Variants in ERC1 observed in about 807,000 individuals in gnomAD.
ERC1 encodes ELKS/RAB6-interacting/CAST family member 1.
Under a neutral mutation model 132.0 loss-of-function variants are expected in ERC1, and 56 were observed. The ratio of observed to expected loss-of-function variants is 0.42; its 90% CI spans 0.34 to 0.53. The LOEUF (loss-of-function observed/expected upper bound fraction) is 0.53, where lower values mean the gene tolerates loss of function less well. Among genes scored for constraint, ERC1 ranks in the 20% least tolerant of loss-of-function variants. The probability of loss-of-function intolerance (pLI) is 0.03; values close to 1 mark genes in which losing one functional copy is unlikely to be tolerated. For missense variants in ERC1, 1,202 were observed against 1,349.9 expected, an observed-to-expected ratio of 0.89 and a Z score of 1.72; for synonymous variants, 478 against 476.1, an observed-to-expected ratio of 1.00 and a Z score of -0.05.
At position 1,293,453 on chromosome 12, in the gene ERC1, AAACAACAAC is replaced by A. The variant is rs201350540; in HGVS notation, c.2780+3459_2780+3467del. 1.6e-4 allele frequency among the ~76,000 whole-genome samples: 16 copies of A among 101,448 alleles called. 2 individuals are homozygous for A. The highest frequency in any genetic ancestry group is 1.4e-3 in the South Asian group (4 of 2,932). 66.6% of individuals were successfully genotyped at this position (101,448 alleles called of 152,430 possible). A position where few individuals can be genotyped will look rare whatever the true frequency, so the allele number is the denominator to read the frequency against. On this transcript the variant is annotated intron_variant, in intron 15 of 18. Transcript: ENST00000360905. The stretch of plus-strand genomic sequence containing the variant: ...GGGCGACAGAGCAAAACTCCATCTC[AAACAACAAC>A]AACAACAACAACAACAATTAGCCAG...
At chr12:1,324,182 G>A (rs75966437) in intron 15 of ERC1, among the ~76,000 whole-genome samples, 3,777 of 152,210 alleles carry the variant, frequency 0.025, 53 homozygotes, top group Middle Eastern at 0.071. Context: ...AAACGTATCC[G>A]TCTATTCTGG....
At chr12:1,311,418 T>C (rs1051215815) in intron 15 of ERC1, among the ~76,000 whole-genome samples, 5 of 152,234 alleles carry the variant, frequency 3.3e-5, no homozygotes, top group African/African-American at 1.2e-4. Flanking sequence ...TCAGCCTTAG[T>C]TGATTAGTAA....
chr12:1,315,383 CT>C (rs1168539171), intron 15 of ERC1, among the ~76,000 whole-genome samples: 2 of 151,956 alleles, frequency 1.3e-5, no homozygotes, highest in Non-Finnish European at 2.9e-5. Flanking sequence ...TGAAGCCTTG[CT>C]CTGTCACCCA....
rs1299132715 is a variant in ERC1, at chr12:1,493,922, A to C, written c.*3692A>C. On this transcript the variant is annotated 3_prime_UTR_variant, in exon 19 of 19. Coordinates refer to ENST00000360905, the MANE Select transcript of ERC1 (RefSeq NM_178040.4). The stretch of plus-strand genomic sequence containing the variant: ...GGGTCAGGGTTGTGAGGCAACCATC[A>C]TGTGTCACCCCAAAATATAAATGTT... 4.3e-6 allele frequency: 1 copy of C among 231,330 alleles called. No homozygotes were observed. Among genetic ancestry groups the C allele is most frequent in the Non-Finnish European group, 8.5e-6 (1 of 117,002 alleles). The allele number at this position is 231,330 out of a possible 1,614,324, so 14.3% of individuals were successfully genotyped here.
intron 2 of ERC1, among the ~76,000 whole-genome samples, chr12:1,065,631 TTGAG>T (rs1344914610): frequency 6.6e-6 from 1 of 151,954 alleles, no homozygotes; most frequent in Non-Finnish European, 1.5e-5. Flanking sequence ...AGAGAATTAA[TTGAG>T]TTTCTTTTGA....
intron 16 of ERC1, among the ~76,000 whole-genome samples, chr12:1,389,776 C>G (rs2089782105): frequency 6.6e-6 from 1 of 152,176 alleles, no homozygotes; most frequent in African/African-American, 2.4e-5. Flanking sequence ...TTGAAAAGCA[C>G]TCCCTCAAGA....
chr12:1,436,516 G>C (rs971102132), intron 17 of ERC1, among the ~76,000 whole-genome samples: 10 of 152,186 alleles, frequency 6.6e-5, no homozygotes, highest in Admixed American at 4.6e-4. Context: ...TGCCATAGGT[G>C]AGAAAGGAGA....
chr12:1,192,447 A>G (rs1226000019), intron 12 of ERC1, among the ~76,000 whole-genome samples: 1 of 152,192 alleles, frequency 6.6e-6, no homozygotes, highest in Non-Finnish European at 1.5e-5. Flanking sequence ...CTATGTTGCC[A>G]TTCCACTATT....
intron 12 of ERC1, among the ~76,000 whole-genome samples, chr12:1,195,875 GCC>G (rs5795962): frequency 0.018 from 1,774 of 97,738 alleles, 44 homozygotes; most frequent in African/African-American, 0.052. Flanking sequence ...ACTTATTTCC[GCC>G]CCCCCCCCCC....
intron 7 of ERC1, among the ~76,000 whole-genome samples, chr12:1,137,846 G>T (rs1593609044): frequency 6.8e-6 from 1 of 147,288 alleles, no homozygotes; most frequent in Non-Finnish European, 1.5e-5. Flanking sequence ...GAGCAAGACT[G>T]TCTCAAAAAA....
rs184396447 is a variant in ERC1, at chr12:1,217,217, G to T, written c.2352-19552G>T. Among the ~76,000 whole-genome samples, 436 of 152,224 alleles carry T rather than the reference G, an allele frequency of 2.9e-3. 2 individuals are homozygous for T. The highest frequency in any genetic ancestry group is 0.014 in the Middle Eastern group (4 of 294). On this transcript the variant is annotated intron_variant, in intron 12 of 18. Transcript: ENST00000360905. ...CAAAAAGCCAAGCCTGCGTTTTAAG[G>T]CAGGGTTTTCTTTGGTTTTCTATTT...
Position 1,095,803 on chromosome 12 carries a change from T to G in ERC1, c.1087-8947T>G, listed in dbSNP as rs148583499. 4.5e-3 allele frequency among the ~76,000 whole-genome samples: 678 copies of G among 152,328 alleles called. 4 individuals are homozygous for G. Among genetic ancestry groups the G allele is most frequent in the African/African-American group, 0.015 (631 of 41,570 alleles). ...ACTGGAAGATGTGTTCATAGTGAAC[T>G]GTAAGGTGCAGGCTTCTGAATGGGA... On this transcript the variant is annotated intron_variant, in intron 3 of 18. Transcript: ENST00000360905.
intron 8 of ERC1, among the ~76,000 whole-genome samples, chr12:1,146,307 G>GTTTTTTTTTTTTTTTTTTTTTTTT (rs1346178811): frequency 1.7e-5 from 1 of 59,394 alleles, no homozygotes; most frequent in Non-Finnish European, 3.1e-5. Context: ...GTATTTTACT[G>GTTTTTTTTTTTTTTTTTTTTTTTT]GTTTTTTTTT....
At chr12:1,021,626 G>C (rs1349905669) in intron 1 of ERC1, among the ~76,000 whole-genome samples, 1 of 151,618 alleles carries the variant, frequency 6.6e-6, no homozygotes, top group Admixed American at 6.6e-5. Context: ...ATGAACCCGG[G>C]AGGCGGAGCT....
At chr12:1,449,359 T>C (rs2093374717) in intron 18 of ERC1, among the ~76,000 whole-genome samples, 1 of 152,158 alleles carries the variant, frequency 6.6e-6, no homozygotes, top group African/African-American at 2.4e-5. Context: ...GGTTTGGCTG[T>C]GTCCCCACCC....
intron 2 of ERC1, among the ~76,000 whole-genome samples, chr12:1,064,103 T>G (rs1320313257): frequency 2.0e-5 from 3 of 152,228 alleles, no homozygotes. Flanking sequence ...TTCAGCAGTT[T>G]GAATATATCA....
At chr12:1,220,829 G>A (rs1349183347) in intron 12 of ERC1, among the ~76,000 whole-genome samples, 1 of 152,166 alleles carries the variant, frequency 6.6e-6, no homozygotes, top group Non-Finnish European at 1.5e-5. Context: ...CTCATTACCT[G>A]CCTTCCTCAT....
At chr12:1,192,625 G>A (rs1419417091) in intron 12 of ERC1, among the ~76,000 whole-genome samples, 2 of 152,146 alleles carry the variant, frequency 1.3e-5, no homozygotes, top group African/African-American at 4.8e-5. Context: ...CCAGTCTCGT[G>A]CAAATTGTAC....
chr12:1,453,194 C>T (rs1197675164), intron 18 of ERC1, among the ~76,000 whole-genome samples: 1 of 152,058 alleles, frequency 6.6e-6, no homozygotes, highest in East Asian at 1.9e-4. Context: ...GACAACATCT[C>T]CCCCCTACTC....
Sources: gnomAD v4.1 joint callset for allele counts (sites outside exome capture counted in the v4.1 genomes callset) on GRCh38, gnomAD v4.1.1 for gene constraint, MANE v1.5 for transcripts, NCBI Gene and HGNC (gene_info 2026-07-23, HGNC 2026-07-21) for gene names.